The following CDH5 variants were observed in gnomAD, a reference collection of about 807,000 sequenced individuals.
CDH5 encodes cadherin 5.
CDH5 carries 28 observed loss-of-function variants against 62.0 expected under a neutral mutation model. The observed-to-expected ratio is 0.45, with a 90% CI of 0.33 to 0.62. The LOEUF is 0.62. Among genes scored for constraint, CDH5 ranks in the 20% least tolerant of loss-of-function variants. The probability of loss-of-function intolerance (pLI) is 0.02; values close to 1 mark genes in which losing one functional copy is unlikely to be tolerated. For missense variants in CDH5, 940 were observed against 1,065.1 expected, an observed-to-expected ratio of 0.88 and a Z score of 1.63; for synonymous variants, 464 against 445.8, an observed-to-expected ratio of 1.04 and a Z score of -0.52.
intron 1 of CDH5, among the ~76,000 whole-genome samples, chr16:66,368,059 G>A (rs9944321): frequency 0.022 from 3,316 of 152,256 alleles, 36 homozygotes; most frequent in Non-Finnish European, 0.028. Flanking sequence ...AGGACATCGC[G>A]AGCACCTCTG....
chr16:66,403,038 T>TC lies in CDH5; in HGVS notation c.2227dup (p.Leu743ProfsTer12), dbSNP rs1961323976. ...CGAGGGCTCCGAGTCCATAGCCGAG[T>TC]CCCTCAGCTCCCTGGGCACCGACTC... On this transcript the variant is annotated frameshift_variant, in exon 12 of 12. Transcript: ENST00000341529. LOFTEE classifies it high-confidence loss of function. This position sits in a 1 kb window ranked among gnomAD's most constrained non-coding sequence, Gnocchi z 4.3. 6.2e-7 allele frequency: 1 copy of TC among 1,613,070 alleles called. No homozygotes were observed. The highest frequency in any genetic ancestry group is 8.5e-7 in the Non-Finnish European group (1 of 1,179,744).
intron 1 of CDH5, among the ~76,000 whole-genome samples, chr16:66,371,781 A>AGGACCAGCCCAGGGGCTGAGGGGCT (rs960901133): frequency 6.6e-6 from 1 of 152,100 alleles, no homozygotes; most frequent in African/African-American, 2.4e-5. Context: ...GCTCAGGGGC[A>AGGACCAGCCCAGGGGCTGAGGGGCT]GGACCAGCCC....
At chr16:66,371,288 G>A (rs1960682438) in intron 1 of CDH5, among the ~76,000 whole-genome samples, 1 of 152,230 alleles carries the variant, frequency 6.6e-6, no homozygotes, top group South Asian at 2.1e-4. Context: ...AAGCGGTGGG[G>A]AGAGCTGCCC....
At chr16:66,393,188 A>G (rs1277723618) in intron 7 of CDH5, among the ~76,000 whole-genome samples, 1 of 152,206 alleles carries the variant, frequency 6.6e-6, no homozygotes, top group Non-Finnish European at 1.5e-5. Context: ...TATTATAATA[A>G]TAAGTCATCG....
chr16:66,387,187 G>C, intron 3 of CDH5, 90 bp downstream of exon 3: 1 of 1,260,442 alleles, frequency 7.9e-7, no homozygotes, highest in Non-Finnish European at 1.1e-6. Flanking sequence ...CCTGGGGTAG[G>C]AATCCAGTGA....
rs1835287646 is a variant in CDH5, at chr16:66,390,449, T to C, written c.828T>C (p.Ser276=). Residue 276 remains serine, a synonymous_variant, in exon 6 of 12, where the codon TCT becomes TCC. Transcript: ENST00000341529. ...VVPEDTRVGT[S]VGSLFVEDPD... ...CTGAAGACACCCGTGTGGGCACCTC[T>C]GTGGGCTCTCTGTTTGTTGAGGACC... The C allele has an allele frequency of 6.2e-7, 1 of 1,614,064 alleles. No individual in the cohort carries two copies. Among genetic ancestry groups the C allele is most frequent in the Non-Finnish European group, 8.5e-7 (1 of 1,180,042 alleles).
intron 1 of CDH5, among the ~76,000 whole-genome samples, chr16:66,369,374 C>A (rs914166878): frequency 6.6e-6 from 1 of 152,124 alleles, no homozygotes; most frequent in Non-Finnish European, 1.5e-5. Flanking sequence ...ACACCTGCAC[C>A]CTTACTGAGC....
chr16:66,375,505 C>A (rs759624520), intron 1 of CDH5, among the ~76,000 whole-genome samples: 1 of 150,888 alleles, frequency 6.6e-6, no homozygotes, highest in Non-Finnish European at 1.5e-5. Flanking sequence ...CCAGCCTGGG[C>A]GACAGAGGGA....
chr16:66,367,648 G>T (rs1178511646), intron 1 of CDH5, among the ~76,000 whole-genome samples: 1 of 152,154 alleles, frequency 6.6e-6, no homozygotes, highest in African/African-American at 2.4e-5. Context: ...ATGGTGTGGG[G>T]CTCATTATTT....
Position 66,402,861 on chromosome 16 carries a change from TC to T in CDH5, c.2050del (p.Leu684SerfsTer25), listed in dbSNP as rs1400558564. 6.2e-7 allele frequency: 1 copy of T among 1,605,844 alleles called. No individual in the cohort carries two copies. On this transcript the variant is annotated frameshift_variant, in exon 12 of 12. Transcript: ENST00000341529. LOFTEE classifies it low-confidence loss of function (END_TRUNC). ...PPRPALDARPSLYAQVQKPPR... is the reference protein window; with the variant it reads ...PPRPALDARPXLYAQVQKPPR... ...GCGGCCCGCGCTGGACGCCCGGCCT[TC>T]CCTCTATGCGCAGGTGCAGAAGCCA...
intron 8 of CDH5, among the ~76,000 whole-genome samples, chr16:66,396,564 T>A (rs1073584): frequency 6.6e-6 from 1 of 152,028 alleles, no homozygotes; most frequent in African/African-American, 2.4e-5. Context: ...TCTGGTCCAG[T>A]GAGCCAGAGA....
chr16:66,374,801 ATTTTT>A (rs1480273230), intron 1 of CDH5, among the ~76,000 whole-genome samples: 1 of 134,464 alleles, frequency 7.4e-6, no homozygotes, highest in African/African-American at 2.8e-5. Flanking sequence ...TTATTTATTT[ATTTTT>A]TATTAGTATA....
At chr16:66,385,379 AG>A (rs1292123326) in intron 2 of CDH5, among the ~76,000 whole-genome samples, 1 of 152,234 alleles carries the variant, frequency 6.6e-6, no homozygotes, top group Non-Finnish European at 1.5e-5. Flanking sequence ...CATGTTACAC[AG>A]AAAAATGGTT....
chr16:66,398,048 C>T lies in CDH5; in HGVS notation c.1427C>T (p.Ala476Val), dbSNP rs1207642735. The change falls in exon 9 of 12, where the codon GCC (alanine) becomes GTC (valine). Residue 476 changes from alanine to valine, a missense_variant. Coordinates refer to ENST00000341529, the MANE Select transcript of CDH5 (RefSeq NM_001795.5). ...GAAGTTTTGGATGAGAATGACAATGCCCCGGAGTTTGCCAAGCCCTACCAG... is the reference window on the plus strand; with the variant it reads ...GAAGTTTTGGATGAGAATGACAATGTCCCGGAGTTTGCCAAGCCCTACCAG... ...HIEVLDENDN[A>V]PEFAKPYQPK... 2 of 1,614,040 alleles carry T rather than the reference C, an allele frequency of 1.2e-6. No homozygotes were observed. Among genetic ancestry groups the T allele is most frequent in the African/African-American group, 2.7e-5 (2 of 74,924 alleles).
In CDH5 at chr16:66,379,468, G is replaced by T; in HGVS notation, c.131G>T (p.Arg44Leu). 2 of 1,614,212 alleles carry T rather than the reference G, an allele frequency of 1.2e-6. No individual in the cohort carries two copies. The highest frequency in any genetic ancestry group is 1.7e-6 in the Non-Finnish European group (2 of 1,180,040). Residue 44 changes from arginine (R) to leucine (L), a missense_variant, in exon 2 of 12, where the codon CGC becomes CTC. Transcript: ENST00000341529. ...CACAGCCTGCTGCCCACCCACCGGCGCCAAAAGAGAGATTGGATTTGGAAC... is the reference window on the plus strand; with the variant it reads ...CACAGCCTGCTGCCCACCCACCGGCTCCAAAAGAGAGATTGGATTTGGAAC... ...DTHSLLPTHR[R>L]QKRDWIWNQM...
At position 66,402,723 on chromosome 16, in the gene CDH5, G is replaced by C. The variant is rs1961309665; in HGVS notation, c.1909G>C (p.Glu637Gln). The change falls in exon 12 of 12, where the codon GAG becomes CAG. Residue 637 changes from glutamate (E) to glutamine (Q), a missense_variant. Coordinates refer to ENST00000341529, the MANE Select transcript of CDH5 (RefSeq NM_001795.5). ...CCGCGCGCACGGCAAGAGCGTGCCG[G>C]AGATCCACGAGCAGCTGGTCACCTA... is the stretch of plus-strand genomic sequence containing the variant. ...QARAHGKSVP[E>Q]IHEQLVTYDE... 1.9e-6 allele frequency: 3 copies of C among 1,609,756 alleles called. No individual in the cohort carries two copies. Among genetic ancestry groups the C allele is most frequent in the Non-Finnish European group, 2.5e-6 (3 of 1,179,140 alleles).
At chr16:66,370,342 C>T (rs993495241) in intron 1 of CDH5, among the ~76,000 whole-genome samples, 1 of 152,090 alleles carries the variant, frequency 6.6e-6, no homozygotes, top group Admixed American at 6.6e-5. Context: ...AGTAAAGGAT[C>T]AAAATCCTAT....
chr16:66,367,898 T>G (rs1355380438), intron 1 of CDH5, among the ~76,000 whole-genome samples: 2 of 152,144 alleles, frequency 1.3e-5, no homozygotes, highest in East Asian at 3.9e-4. Context: ...ACATGAGATC[T>G]TTAAGGAATA....
intron 2 of CDH5, among the ~76,000 whole-genome samples, chr16:66,382,031 T>G (rs1358831626): frequency 1.3e-5 from 2 of 152,198 alleles, no homozygotes; most frequent in Non-Finnish European, 2.9e-5. Flanking sequence ...GAACTTTTGA[T>G]GGGAAGGCCC....
Sources: allele counts gnomAD v4.1 joint callset (sites outside exome capture counted in the v4.1 genomes callset), GRCh38; gene constraint gnomAD v4.1.1; non-coding constraint Gnocchi (gnomAD v3.1); transcripts MANE v1.5; gene names NCBI Gene and HGNC (gene_info 2026-07-23, HGNC 2026-07-21).